NDRG4: variants seen among roughly 807,000 people sequenced by gnomAD.
NDRG4 encodes the protein NDRG family member 4, also known as protein NDRG4.
NDRG4 carries 38 observed loss-of-function variants against 55.8 expected under a neutral mutation model. The observed-to-expected ratio is 0.68, with a 90% confidence interval of 0.53 to 0.89. NDRG4 has a LOEUF of 0.89. Ranked by LOEUF, NDRG4 falls within the 40% of genes least tolerant of loss-of-function variation. NDRG4 has a pLI of 0.00. For missense variants in NDRG4, 455 were observed against 468.6 expected (o/e 0.97, Z 0.27); for synonymous variants, 190 against 182.7 (o/e 1.04, Z -0.32).
intron 1 of NDRG4, among the ~76,000 whole-genome samples, chr16:58,478,691 T>G (rs939553284): frequency 2.1e-3 from 24 of 11,688 alleles, no homozygotes; most frequent in Non-Finnish European, 3.1e-3. Context: ...TGCTTTTTTG[T>G]TTTTTGTTTT....
In NDRG4 at chr16:58,464,599, G is replaced by C. The variant is rs1597004072; in HGVS notation, c.-24+802G>C. 1 of 988,478 alleles carries C rather than the reference G, an allele frequency of 1.0e-6. No homozygotes were observed. The highest frequency in any genetic ancestry group is 1.3e-6 in the Non-Finnish European group (1 of 749,350). The allele number at this position is 988,478 out of a possible 1,614,324, so 61.2% of individuals were successfully genotyped here. A position where few individuals can be genotyped will look rare whatever the true frequency, so the allele number is the denominator to read the frequency against. ...CGGACCCCAACTAAGTCCTAGTTTT[G>C]TGCTACCTGTTTGTGTGCGGAGCCC... On this transcript the variant is annotated intron_variant, in intron 1 of 15. Transcript: ENST00000258187. This position sits in a 1 kb window ranked among gnomAD's most constrained non-coding sequence, Gnocchi z 4.8.
chr16:58,501,614 T>G, intron 1 of NDRG4: 1 of 196,236 alleles, frequency 5.1e-6, no homozygotes, highest in South Asian at 9.0e-5. Context: ...CCGCAGAGGG[T>G]GAGAGAAGGC....
At chr16:58,494,693 G>A (rs1194146620) in intron 2 of NDRG4, among the ~76,000 whole-genome samples, 3 of 152,092 alleles carry the variant, frequency 2.0e-5, no homozygotes, top group Non-Finnish European at 4.4e-5. Flanking sequence ...TGGGCTGGGT[G>A]CGGTGTTTCA....
rs1219727374 is a variant in NDRG4, at chr16:58,512,038, G to A, written c.*462G>A. On this transcript the variant is annotated 3_prime_UTR_variant, in exon 15 of 15. Coordinates refer to ENST00000570248, the MANE Select transcript of NDRG4 (RefSeq NM_001242835.2). ...CCCTCCACCAAGCACACCTGTTTCT[G>A]TCTCATAGCACATGTGACAATCATC... 2 of 458,100 alleles carry A rather than the reference G, an allele frequency of 4.4e-6. No individual in the cohort carries two copies. Among genetic ancestry groups the A allele is most frequent in the Non-Finnish European group, 8.8e-6 (2 of 228,076 alleles). 28.4% of individuals were successfully genotyped at this position (458,100 alleles called of 1,614,324 possible). A position where few individuals can be genotyped will look rare whatever the true frequency, so the allele number is the denominator to read the frequency against.
intron 8 of NDRG4, 75 bp from the exon 9 acceptor site, chr16:58,507,733 G>A (rs1471404992): frequency 7.1e-7 from 1 of 1,415,370 alleles, no homozygotes; most frequent in East Asian, 2.3e-5. Flanking sequence ...CCAATTGGCA[G>A]TGTTGGGCTT....
rs1460810762 is a variant in NDRG4 at position 58,513,030 on chromosome 16, C to CA, written c.*1455dup. On this transcript the variant is annotated 3_prime_UTR_variant, in exon 15 of 15. Transcript: ENST00000570248. ...TAGTTTCTGCCCAGTTCTACCCCCT[C>CA]ATGTGCTTCTTCTGAATACTGAATG... 1 of 152,730 alleles carries CA rather than the reference C, an allele frequency of 6.5e-6. No individual in the cohort carries two copies. The highest frequency in any genetic ancestry group is 1.9e-4 in the East Asian group (1 of 5,200). 9.5% of individuals were successfully genotyped at this position (152,730 alleles called of 1,614,324 possible). A position where few individuals can be genotyped will look rare whatever the true frequency, so the allele number is the denominator to read the frequency against.
chr16:58,465,570 TG>T, intron 1 of NDRG4, among the ~76,000 whole-genome samples: 1 of 34,154 alleles, frequency 2.9e-5, no homozygotes, highest in South Asian at 1.0e-3. Flanking sequence ...GGCTAGAAGG[TG>T]GGGGTGGGGT....
chr16:58,466,468 A>G (rs570091892), intron 1 of NDRG4, among the ~76,000 whole-genome samples: 11 of 152,324 alleles, frequency 7.2e-5, no homozygotes, highest in African/African-American at 2.6e-4. Flanking sequence ...TGGAGACCCC[A>G]TGCACTGTTC....
chr16:58,500,522 T>A, intron 1 of NDRG4: 3 of 317,114 alleles, frequency 9.5e-6, no homozygotes, highest in African/African-American at 2.3e-5. Context: ...GGTTGGGGGG[T>A]GGGTGACATA....
At chr16:58,514,745 CAAAAAAAAAA>C (rs67168725), downstream of NDRG4, among the ~76,000 whole-genome samples, 1 of 82,132 alleles carries the variant, frequency 1.2e-5, no homozygotes, top group African/African-American at 4.7e-5. Context: ...CCCAACGCGC[CAAAAAAAAAA>C]AAAAAAAAAA....
At position 58,501,102 on chromosome 16, in the gene NDRG4, G is replaced by A. The variant is rs188959721; in HGVS notation, c.21+833G>A. ...GGTACCCCGGCCCCATTCTTCCTCA[G>A]GAGGGAGAGGCAGGGGCAGACTCAC... On this transcript the variant is annotated intron_variant, in intron 1 of 14. Coordinates refer to ENST00000570248, the MANE Select transcript of NDRG4 (RefSeq NM_001242835.2). 23 of 1,227,208 alleles carry A rather than the reference G, an allele frequency of 1.9e-5. 1 individual carries two copies. In the Admixed American group the frequency reaches 9.3e-4, roughly 49 times the overall value. 76.0% of individuals were successfully genotyped at this position (1,227,208 alleles called of 1,614,324 possible). A position where few individuals can be genotyped will look rare whatever the true frequency, so the allele number is the denominator to read the frequency against.
intron 5 of NDRG4, among the ~76,000 whole-genome samples, chr16:58,505,328 A>G (rs8058082): frequency 0.017 from 2,606 of 151,786 alleles, 60 homozygotes; most frequent in African/African-American, 0.057. Context: ...CAGCCTGGGC[A>G]ACAGAGCGAG....
Position 58,504,249 on chromosome 16 carries a change from G to C in NDRG4, c.223G>C (p.Val75Leu). 1 of 1,614,174 alleles carries C rather than the reference G, an allele frequency of 6.2e-7. No individual in the cohort carries two copies. Among genetic ancestry groups the C allele is most frequent in the Non-Finnish European group, 8.5e-7 (1 of 1,180,024 alleles). The change falls in exon 3 of 15, where the codon GTG becomes CTG. Residue 75 changes from valine to leucine, a missense_variant. Coordinates refer to ENST00000570248, the MANE Select transcript of NDRG4 (RefSeq NM_001242835.2). ...VCHVDAPGQQVGASQFPQGYQ... is the reference protein window; with the variant it reads ...VCHVDAPGQQLGASQFPQGYQ... Reference sequence around the variant, plus strand: ...TCACGTGGATGCCCCTGGACAACAGGTGGGGGCGTCGCAGTTTCCTCAGGG... The same window carrying C: ...TCACGTGGATGCCCCTGGACAACAGCTGGGGGCGTCGCAGTTTCCTCAGGG...
rs551459034 is a variant in NDRG4 at position 58,464,136 on chromosome 16, A to G, written c.-24+339A>G. 1.8e-5 allele frequency: 6 copies of G among 341,380 alleles called. No homozygotes were observed. The East Asian group carries it at 2.2e-4, about 12-fold the overall frequency. The allele number at this position is 341,380 out of a possible 1,614,324, so 21.1% of individuals were successfully genotyped here. On this transcript the variant is annotated intron_variant, in intron 1 of 15. Transcript: ENST00000258187. This position sits in a 1 kb window ranked among gnomAD's most constrained non-coding sequence, Gnocchi z 4.8. Reference sequence around the variant, plus strand: ...ACGGGGGACCACCTCCCACGGTGTCACCGCACCCACCCCGCGCCCTTCCTC... The same window carrying G: ...ACGGGGGACCACCTCCCACGGTGTCGCCGCACCCACCCCGCGCCCTTCCTC...
At chr16:58,478,129 G>A (rs1246153459) in intron 1 of NDRG4, among the ~76,000 whole-genome samples, 5 of 152,176 alleles carry the variant, frequency 3.3e-5, no homozygotes, top group Non-Finnish European at 7.3e-5. Context: ...GGTGGCTCAC[G>A]CCTGTAATCC....
At chr16:58,508,416 G>T (rs1340522376) in intron 10 of NDRG4, among the ~76,000 whole-genome samples, 2 of 152,344 alleles carry the variant, frequency 1.3e-5, no homozygotes, top group Middle Eastern at 3.4e-3. Context: ...TGGGGGCCGT[G>T]TGTCACCTCT....
intron 4 of NDRG4, 69 bp from the exon 5 acceptor site, chr16:58,504,520 C>T (rs1400064967): frequency 7.4e-6 from 12 of 1,611,454 alleles, no homozygotes; most frequent in East Asian, 4.5e-5. Context: ...ATGGGCAGGG[C>T]CTGCTCTGGA....
At chr16:58,501,041 GT>G (rs2037019028) in intron 1 of NDRG4, 1 of 1,241,590 alleles carries the variant, frequency 8.1e-7, no homozygotes, top group Non-Finnish European at 1.0e-6. Flanking sequence ...GGGACCCCAG[GT>G]GGAGCCCAGG....
At chr16:58,487,631 C>T (rs1421361022) in intron 1 of NDRG4, 2 of 673,312 alleles carry the variant, frequency 3.0e-6, no homozygotes, top group Admixed American at 3.2e-5. Context: ...GAGTGGGCTG[C>T]GCTTGGGGGC....
Sources: allele counts gnomAD v4.1 joint callset (sites outside exome capture counted in the v4.1 genomes callset), GRCh38; gene constraint gnomAD v4.1.1; non-coding constraint Gnocchi (gnomAD v3.1); transcripts MANE v1.5; gene names NCBI Gene and HGNC (gene_info 2026-07-23, HGNC 2026-07-21).